The following SUSD2 variants were observed in gnomAD, a reference collection of about 807,000 sequenced individuals.
SUSD2 encodes the protein sushi domain containing 2, also known as sushi domain-containing protein 2.
SUSD2 carries 86 observed loss-of-function variants against 93.8 expected under a neutral mutation model. The observed-to-expected ratio is 0.92, with a 90% CI of 0.77 to 1.10. The LOEUF (loss-of-function observed/expected upper bound fraction) is 1.10, where lower values mean the gene tolerates loss of function less well. Among genes scored for constraint, SUSD2 ranks in the 50% least tolerant of loss-of-function variants. The pLI is 0.00. For missense variants in SUSD2, 1,060 were observed against 1,137.0 expected, an observed-to-expected ratio of 0.93 and a Z score of 0.97; for synonymous variants, 483 against 485.0, an observed-to-expected ratio of 1.00 and a Z score of 0.05.
Position 24,185,878 on chromosome 22 carries a change from A to C in SUSD2, c.1288A>C (p.Met430Leu), listed in dbSNP as rs770247435. 2 of 1,590,090 alleles carry C rather than the reference A, an allele frequency of 1.3e-6. No homozygotes were observed. The highest frequency in any genetic ancestry group is 1.7e-6 in the Non-Finnish European group (2 of 1,166,498). The stretch of plus-strand genomic sequence containing the variant: ...CTGGGCACCCGACTGCCCCCGCTAC[A>C]TGCAACGGCGGCCCTCCAATGACTG... ...CLWAPDCPRY[M>L]QRRPSNDCRN... Residue 430 changes from methionine (M) to leucine (L), a missense_variant, in exon 8 of 15, where the codon ATG becomes CTG. Physicochemically the swap from Met to Leu is conservative, Grantham distance 15. Coordinates refer to ENST00000358321, the MANE Select transcript of SUSD2 (RefSeq NM_019601.4).
Position 24,188,159 on chromosome 22 carries a change from C to G in SUSD2, c.2341+24C>G, listed in dbSNP as rs368536572. The G allele has an allele frequency of 1.1e-5, 17 of 1,602,798 alleles. No homozygotes were observed. Among genetic ancestry groups the G allele is most frequent in the Non-Finnish European group, 1.4e-5 (17 of 1,172,652 alleles). Reference sequence around the variant, plus strand: ...AGGTGAGGACACTCTGCTCATACACCTGCCTGCACCTGTCCCCACTCACCA... The same window carrying G: ...AGGTGAGGACACTCTGCTCATACACGTGCCTGCACCTGTCCCCACTCACCA... On this transcript the variant is annotated intron_variant, in intron 13 of 14. Transcript: ENST00000358321. The surrounding 1 kb of genome is among the most constrained non-coding windows in gnomAD (Gnocchi z 4.7).
Position 24,188,204 on chromosome 22 carries a change from T to C in SUSD2, c.2342-21T>C, listed in dbSNP as rs759816404. On this transcript the variant is annotated intron_variant, in intron 13 of 14. Coordinates refer to ENST00000358321, the MANE Select transcript of SUSD2 (RefSeq NM_019601.4). The surrounding 1 kb of genome is among the most constrained non-coding windows in gnomAD (Gnocchi z 4.7). ...TCACCACCCCAGAGAGCCCCCTCAC[T>C]GACACTCGCTCCCTCACCAGGACGC... 1.3e-6 allele frequency: 2 copies of C among 1,589,770 alleles called. No homozygotes were observed. Among genetic ancestry groups the C allele is most frequent in the Non-Finnish European group, 1.7e-6 (2 of 1,164,500 alleles).
intron 7 of SUSD2, 40 bp from the exon 8 acceptor site, chr22:24,185,621 T>G: frequency 6.2e-7 from 1 of 1,607,330 alleles, no homozygotes; most frequent in Non-Finnish European, 8.5e-7. Context: ...AGGGGTGGGC[T>G]CCCAACAGTG....
Position 24,188,750 on chromosome 22 carries a change from C to T in SUSD2, c.*314C>T. Reference sequence around the variant, plus strand: ...CACTCCCACACCTGAGCCTCAGATTCCAATAGCTCACTCCCTAGAGCCTGA... The same window carrying T: ...CACTCCCACACCTGAGCCTCAGATTTCAATAGCTCACTCCCTAGAGCCTGA... On this transcript the variant is annotated 3_prime_UTR_variant, in exon 15 of 15. Coordinates refer to ENST00000358321, the MANE Select transcript of SUSD2 (RefSeq NM_019601.4). This position sits in a 1 kb window ranked among gnomAD's most constrained non-coding sequence, Gnocchi z 4.7. 2.9e-6 allele frequency: 1 copy of T among 339,096 alleles called. No homozygotes were observed. Among genetic ancestry groups the T allele is most frequent in the Non-Finnish European group, 5.5e-6 (1 of 181,982 alleles). The allele number at this position is 339,096 out of a possible 1,614,324, so 21.0% of individuals were successfully genotyped here.
At position 24,184,244 on chromosome 22, in the gene SUSD2, A is replaced by G. The variant is rs375038036; in HGVS notation, c.548A>G (p.His183Arg). 5.0e-6 allele frequency: 8 copies of G among 1,613,654 alleles called. No individual in the cohort carries two copies. In the African/African-American group the frequency reaches 1.1e-4, roughly 22 times the overall value. ...TCAGGCAACCTCAGCCTGACCTGGCATGTCAAGTCGCTGCCCACGCAGACC... is the reference window on the plus strand; with the variant it reads ...TCAGGCAACCTCAGCCTGACCTGGCGTGTCAAGTCGCTGCCCACGCAGACC... Reference protein sequence around the residue: ...NTSGNLSLTWHVKSLPTQTIT... With the variant: ...NTSGNLSLTWRVKSLPTQTIT... Residue 183 changes from histidine to arginine, a missense_variant, in exon 4 of 15, where the codon CAT becomes CGT. Physicochemically the swap from His to Arg is conservative, Grantham distance 29 (BLOSUM62 0). Transcript: ENST00000358321.
intron 10 of SUSD2, chr22:24,186,987 G>A: frequency 1.6e-6 from 1 of 615,748 alleles, no homozygotes; most frequent in Non-Finnish European, 2.8e-6. Context: ...ATTCACTGCA[G>A]GGGCTGCACC....
At position 24,185,406 on chromosome 22, in the gene SUSD2, A is replaced by AG. The variant is rs1007632258; in HGVS notation, c.985-78dup. 3 of 1,524,782 alleles carry AG rather than the reference A, an allele frequency of 2.0e-6. No homozygotes were observed. In the African/African-American group the frequency reaches 4.1e-5, roughly 21 times the overall value. 94.5% of individuals were successfully genotyped at this position (1,524,782 alleles called of 1,614,324 possible). ...TCCTGGAGGGTGGGGCTGGGGTCTC[A>AG]GGACCCCTGCAGGGTTGGCCTCAGG... On this transcript the variant is annotated intron_variant, in intron 6 of 14. Transcript: ENST00000358321.
In SUSD2 at chr22:24,188,883, C is replaced by T. The variant is rs1036533207; in HGVS notation, c.*447C>T. On this transcript the variant is annotated 3_prime_UTR_variant, in exon 15 of 15. Coordinates refer to ENST00000358321, the MANE Select transcript of SUSD2 (RefSeq NM_019601.4). The surrounding 1 kb of genome is among the most constrained non-coding windows in gnomAD (Gnocchi z 4.7). The stretch of plus-strand genomic sequence containing the variant: ...TACGGAGGCCTGCTCCCGGACCGTG[C>T]GGGCACCAGTGCAGTGCTGCCTTGG... The T allele has an allele frequency of 4.1e-5, 7 of 169,324 alleles. No individual in the cohort carries two copies. Among genetic ancestry groups the T allele is most frequent in the African/African-American group, 1.2e-4 (5 of 41,774 alleles). The allele number at this position is 169,324 out of a possible 1,614,324, so 10.5% of individuals were successfully genotyped here. A position where few individuals can be genotyped will look rare whatever the true frequency, so the allele number is the denominator to read the frequency against.
intron 2 of SUSD2, 102 bp downstream of exon 2, chr22:24,183,369 C>A: frequency 1.3e-6 from 2 of 1,534,158 alleles, no homozygotes; most frequent in Non-Finnish European, 1.8e-6. Flanking sequence ...CCCCTCGGAC[C>A]CAGGACAGGC....
chr22:24,185,593 G>C, intron 7 of SUSD2, 22 bp downstream of exon 7: 8 of 1,599,328 alleles, frequency 5.0e-6, no homozygotes, highest in Non-Finnish European at 6.8e-6. Flanking sequence ...GGCTGGGGCC[G>C]GTATGGGGAT....
intron 10 of SUSD2, 83 bp downstream of exon 10, chr22:24,186,498 C>A (rs1469142874): frequency 1.3e-6 from 2 of 1,502,306 alleles, no homozygotes; most frequent in Non-Finnish European, 1.8e-6. Flanking sequence ...AAGCCCTGGG[C>A]CTTCATGCCT....
At position 24,186,261 on chromosome 22, in the gene SUSD2, G is replaced by A. The variant is rs535066388; in HGVS notation, c.1488G>A (p.Thr496=). ...GTTCTGCTCCCACCACCGCAGGCAC[G>A]GAGACCCGTGGCACTGGGCTGACCG... ...RAQPGTMSNG[T]ETRGTGLTAV... The change falls in exon 10 of 15, where the codon ACG becomes ACA. Residue 496 remains threonine (T), a synonymous_variant. Coordinates refer to ENST00000358321, the MANE Select transcript of SUSD2 (RefSeq NM_019601.4). 44 of 1,613,228 alleles carry A rather than the reference G, an allele frequency of 2.7e-5. 1 individual carries two copies. The South Asian group carries it at 3.2e-4, about 12-fold the overall frequency.
At position 24,188,022 on chromosome 22, in the gene SUSD2, C is replaced by T. The variant is rs565702143; in HGVS notation, c.2228C>T (p.Ala743Val). Reference sequence around the variant, plus strand: ...CAAAAGGAGGGCAACAGGTACCTGGCGGGTTCCACCATCTACTTCCACTGT... The same window carrying T: ...CAAAAGGAGGGCAACAGGTACCTGGTGGGTTCCACCATCTACTTCCACTGT... Reference protein sequence around the residue: ...NGQKEGNRYLAGSTIYFHCDN... With the variant: ...NGQKEGNRYLVGSTIYFHCDN... Residue 743 changes from alanine (A) to valine (V), a missense_variant, in exon 13 of 15, where the codon GCG becomes GTG. By Grantham distance (64) the Ala-to-Val change is moderately conservative. This residue lies in a region of SUSD2 where 973 missense variants were observed against 1,005.3 expected (regional missense o/e 0.97). Coordinates refer to ENST00000358321, the MANE Select transcript of SUSD2 (RefSeq NM_019601.4). This position sits in a 1 kb window ranked among gnomAD's most constrained non-coding sequence, Gnocchi z 4.7. 47 of 1,613,070 alleles carry T rather than the reference C, an allele frequency of 2.9e-5. No homozygotes were observed. Among genetic ancestry groups the T allele is most frequent in the Middle Eastern group, 1.6e-4 (1 of 6,062 alleles).
chr22:24,183,227 T>A lies in SUSD2; in HGVS notation c.247T>A (p.Phe83Ile). 2 of 1,613,756 alleles carry A rather than the reference T, an allele frequency of 1.2e-6. No homozygotes were observed. The highest frequency in any genetic ancestry group is 1.7e-6 in the Non-Finnish European group (2 of 1,179,852). The change falls in exon 2 of 15, where the codon TTC becomes ATC. Residue 83 changes from phenylalanine to isoleucine, a missense_variant. Around this residue, in one of 2 missense-constraint regions of SUSD2, gnomAD observed 87 missense variants for 131.6 expected, o/e 0.66. Coordinates refer to ENST00000358321, the MANE Select transcript of SUSD2 (RefSeq NM_019601.4). ...MGGKDFVVRH[F>I]KMSSPTDASV... ...CGGCAAGGACTTTGTGGTGCGGCAC[T>A]TCAAGATGTCCAGCCCCACAGACGC...
Position 24,186,226 on chromosome 22 carries a change from A to C in SUSD2, c.1484-31A>C, listed in dbSNP as rs1160080729. 1.9e-6 allele frequency: 3 copies of C among 1,611,066 alleles called. No homozygotes were observed. In the African/African-American group the frequency reaches 4.0e-5, roughly 22 times the overall value. On this transcript the variant is annotated intron_variant, in intron 9 of 14. Coordinates refer to ENST00000358321, the MANE Select transcript of SUSD2 (RefSeq NM_019601.4). Reference sequence around the variant, plus strand: ...GAACCAAGGTGGGAGGCTGGAGCCAAGTGGCTCCCGTTCTGCTCCCACCAC... The same window carrying C: ...GAACCAAGGTGGGAGGCTGGAGCCACGTGGCTCCCGTTCTGCTCCCACCAC...
Position 24,186,358 on chromosome 22 carries a change from G to T in SUSD2, c.1585G>T (p.Val529Leu). Residue 529 changes from valine to leucine, a missense_variant, in exon 10 of 15, where the codon GTG becomes TTG. By Grantham distance (32) the Val-to-Leu change is conservative. Coordinates refer to ENST00000358321, the MANE Select transcript of SUSD2 (RefSeq NM_019601.4). Reference sequence around the variant, plus strand: ...GGCCAACAGGACCGGAGGTCTGGAGGTGCTGCTGAACCAGGAGGTGCTGAG... The same window carrying T: ...GGCCAACAGGACCGGAGGTCTGGAGTTGCTGCTGAACCAGGAGGTGCTGAG... ...RLANRTGGLEVLLNQEVLSFT... is the reference protein window; with the variant it reads ...RLANRTGGLELLLNQEVLSFT... The T allele has an allele frequency of 6.2e-7, 1 of 1,613,902 alleles. No homozygotes were observed. Among genetic ancestry groups the T allele is most frequent in the Non-Finnish European group, 8.5e-7 (1 of 1,180,044 alleles).
Position 24,188,175 on chromosome 22 carries a change from C to A in SUSD2, c.2341+40C>A, listed in dbSNP as rs2047383509. Reference sequence around the variant, plus strand: ...CTCATACACCTGCCTGCACCTGTCCCCACTCACCACCCCAGAGAGCCCCCT... The same window carrying A: ...CTCATACACCTGCCTGCACCTGTCCACACTCACCACCCCAGAGAGCCCCCT... On this transcript the variant is annotated intron_variant, in intron 13 of 14. Transcript: ENST00000358321. The surrounding 1 kb of genome is among the most constrained non-coding windows in gnomAD (Gnocchi z 4.7). The A allele has an allele frequency of 7.5e-6, 12 of 1,597,594 alleles. No homozygotes were observed. The highest frequency in any genetic ancestry group is 1.7e-5 in the Admixed American group (1 of 59,400).
intron 4 of SUSD2, among the ~76,000 whole-genome samples, chr22:24,184,517 A>C (rs2877203): frequency 0.16 from 24,416 of 151,936 alleles, 2,454 homozygotes; most frequent in African/African-American, 0.28. Flanking sequence ...GCCTGGCTCC[A>C]GGGGAGGAGG....
Position 24,186,303 on chromosome 22 carries a change from G to A in SUSD2, c.1530G>A (p.Glu510=). ...GGCTGACCGCAGTGGCCGTCCAGGA[G>A]GGCAACTCAGATGTGGTGGAAGTCA... ...GTGLTAVAVQ[E]GNSDVVEVRL... is the part of the protein sequence containing the mutation. Residue 510 remains glutamate (E), a synonymous_variant, in exon 10 of 15, where the codon GAG becomes GAA. Transcript: ENST00000358321. 1 of 1,613,918 alleles carries A rather than the reference G, an allele frequency of 6.2e-7. No individual in the cohort carries two copies. The highest frequency in any genetic ancestry group is 8.5e-7 in the Non-Finnish European group (1 of 1,180,042).
Sources: allele counts gnomAD v4.1 joint callset (sites outside exome capture counted in the v4.1 genomes callset), GRCh38; gene constraint gnomAD v4.1.1; regional missense constraint gnomAD v4.1.1; non-coding constraint Gnocchi (gnomAD v3.1); transcripts MANE v1.5; gene names NCBI Gene and HGNC (gene_info 2026-07-23, HGNC 2026-07-21).